The following RSRC1 variants were observed in gnomAD, a reference collection of about 807,000 sequenced individuals.
The protein encoded by RSRC1 is serine/Arginine-related protein 53.
Under a neutral mutation model 49.1 loss-of-function variants are expected in RSRC1, and 39 were observed. The ratio of observed to expected loss-of-function variants is 0.79; its 90% confidence interval spans 0.61 to 1.04. The LOEUF (loss-of-function observed/expected upper bound fraction) is 1.04, where lower values mean the gene tolerates loss of function less well. Ranked by LOEUF, RSRC1 falls within the 50% of genes least tolerant of loss-of-function variation. RSRC1 has a pLI of 0.00. For synonymous variants in RSRC1, 143 were observed against 130.8 expected (o/e 1.09, Z -0.63); for missense variants, 388 against 402.4 (o/e 0.96, Z 0.31).
At chr3:158,294,130 T>C (rs1256645424) in intron 4 of RSRC1, among the ~76,000 whole-genome samples, 1 of 152,098 alleles carries the variant, frequency 6.6e-6, no homozygotes, top group Non-Finnish European at 1.5e-5. Flanking sequence ...TTTTTAACCC[T>C]CCTTCTAGGA....
intron 3 of RSRC1, among the ~76,000 whole-genome samples, chr3:158,139,646 T>TC (rs1716617119): frequency 6.6e-6 from 1 of 151,612 alleles, no homozygotes; most frequent in Non-Finnish European, 1.5e-5. Flanking sequence ...CTTTTTTTTT[T>TC]TTTTTGAGAT....
At chr3:158,243,132 G>A (rs915157361) in intron 4 of RSRC1, among the ~76,000 whole-genome samples, 8 of 152,124 alleles carry the variant, frequency 5.3e-5, no homozygotes, top group African/African-American at 1.9e-4. Context: ...CCATGCCTAT[G>A]TCCTGAATGG....
chr3:158,473,872 C>T (rs572098211), intron 7 of RSRC1, among the ~76,000 whole-genome samples: 50 of 152,216 alleles, frequency 3.3e-4, no homozygotes, highest in African/African-American at 1.2e-3. Context: ...ATAAATACTT[C>T]TTAACTGATT....
At chr3:158,536,730 A>G (rs1208140047) in intron 7 of RSRC1, among the ~76,000 whole-genome samples, 1 of 151,540 alleles carries the variant, frequency 6.6e-6, no homozygotes, top group East Asian at 1.9e-4. Flanking sequence ...TTAAATAAGA[A>G]TAACAGAAAG....
chr3:158,118,462 T>TGTGTGCGCGCGCGCGCGC (rs1491469875), intron 1 of RSRC1, among the ~76,000 whole-genome samples: 1 of 124,680 alleles, frequency 8.0e-6, no homozygotes, highest in African/African-American at 3.3e-5. Context: ...TGTGTGTGTG[T>TGTGTGCGCGCGCGCGCGC]GCGCGTGCGC....
intron 6 of RSRC1, among the ~76,000 whole-genome samples, chr3:158,417,511 T>C (rs767793965): frequency 1.3e-5 from 2 of 152,010 alleles, no homozygotes; most frequent in Non-Finnish European, 2.9e-5. Context: ...AAAGCCATTA[T>C]AATTTTCTGA....
chr3:158,133,669 T>C (rs1299851586), intron 3 of RSRC1, among the ~76,000 whole-genome samples: 1 of 152,196 alleles, frequency 6.6e-6, no homozygotes, highest in Non-Finnish European at 1.5e-5. Flanking sequence ...ACCACACATA[T>C]GGCGATATAA....
At chr3:158,383,824 G>A (rs1732832841) in intron 6 of RSRC1, among the ~76,000 whole-genome samples, 1 of 152,054 alleles carries the variant, frequency 6.6e-6, no homozygotes, top group Non-Finnish European at 1.5e-5. Context: ...TTTACATGTT[G>A]GAAGTTCAGT....
At chr3:158,233,844 T>G (rs981079866) in intron 4 of RSRC1, among the ~76,000 whole-genome samples, 4 of 152,208 alleles carry the variant, frequency 2.6e-5, no homozygotes, top group African/African-American at 7.2e-5. Context: ...CTGGGCTATA[T>G]TCATTCTCCA....
chr3:158,467,442 T>C (rs1737940329), intron 7 of RSRC1, among the ~76,000 whole-genome samples: 2 of 152,244 alleles, frequency 1.3e-5, no homozygotes, highest in Admixed American at 1.3e-4. Context: ...ATAATCTATC[T>C]ACTATCTAAA....
chr3:158,389,626 T>C (rs1244374629), intron 6 of RSRC1, among the ~76,000 whole-genome samples: 1 of 152,222 alleles, frequency 6.6e-6, no homozygotes, highest in East Asian at 1.9e-4. Flanking sequence ...AAAAATATAA[T>C]ACTCTTTCAA....
chr3:158,238,423 A>G (rs1446206830), intron 4 of RSRC1, among the ~76,000 whole-genome samples: 6 of 152,196 alleles, frequency 3.9e-5, no homozygotes, highest in Non-Finnish European at 7.4e-5. Flanking sequence ...ATCCTAAGCC[A>G]AAAGAACAAA....
chr3:158,531,581 C>T (rs1712404399), intron 7 of RSRC1, among the ~76,000 whole-genome samples: 1 of 151,802 alleles, frequency 6.6e-6, no homozygotes, highest in African/African-American at 2.4e-5. Flanking sequence ...GTAACATGGT[C>T]CTGTAGCATA....
chr3:158,296,671 G>A (rs961588941), intron 4 of RSRC1, among the ~76,000 whole-genome samples: 1 of 152,006 alleles, frequency 6.6e-6, no homozygotes, highest in African/African-American at 2.4e-5. Context: ...CTCACACCTT[G>A]CAGTAATTTA....
At chr3:158,531,689 G>C (rs572632553) in intron 7 of RSRC1, among the ~76,000 whole-genome samples, 7 of 151,726 alleles carry the variant, frequency 4.6e-5, no homozygotes, top group African/African-American at 1.7e-4. Flanking sequence ...ATTTGTTCTC[G>C]GTGATATTGG....
chr3:158,512,590 C>A (rs1035749730), intron 7 of RSRC1, among the ~76,000 whole-genome samples: 2 of 152,008 alleles, frequency 1.3e-5, no homozygotes, highest in East Asian at 1.9e-4. Context: ...ATTGACTTGG[C>A]GATGCGGGCT....
intron 5 of RSRC1, among the ~76,000 whole-genome samples, chr3:158,325,016 T>C (rs1729001392): frequency 6.6e-6 from 1 of 152,236 alleles, no homozygotes; most frequent in Non-Finnish European, 1.5e-5. Flanking sequence ...GTCTGTTGGC[T>C]GCATAAATGT....
At chr3:158,432,078 C>T (rs191683947) in intron 6 of RSRC1, among the ~76,000 whole-genome samples, 2 of 151,930 alleles carry the variant, frequency 1.3e-5, no homozygotes, top group East Asian at 3.9e-4. Context: ...ACAGGCAGCA[C>T]GCTGCTTTGT....
chr3:158,533,864 T>A (rs1278073912), intron 7 of RSRC1, among the ~76,000 whole-genome samples: 1 of 151,658 alleles, frequency 6.6e-6, no homozygotes, highest in South Asian at 2.1e-4. Flanking sequence ...TAATAAAAAA[T>A]TTATCTACTT....
Sources: gnomAD v4.1 joint callset for allele counts (sites outside exome capture counted in the v4.1 genomes callset) on GRCh38, gnomAD v4.1.1 for gene constraint, MANE v1.5 for transcripts, NCBI Gene and HGNC (gene_info 2026-07-23, HGNC 2026-07-21) for gene names.